Variants in ARHGEF38 observed in about 807,000 individuals in gnomAD.
ARHGEF38 encodes Rho guanine nucleotide exchange factor 38, also known as Rho guanine nucleotide exchange factor (GEF) 38.
In ARHGEF38, 79 loss-of-function variants were observed where a neutral mutation model predicts 79.9. That is an observed-to-expected ratio of 0.99 (90% CI 0.82 to 1.19). ARHGEF38 has a LOEUF of 1.19. ARHGEF38 is among the 50% of genes most tolerant of loss of function. The pLI is 0.00. For missense variants in ARHGEF38, 962 were observed against 907.2 expected (o/e 1.06, Z -0.78); for synonymous variants, 366 against 328.3 (o/e 1.11, Z -1.24).
In ARHGEF38 at chr4:105,648,686, A is replaced by AT; in HGVS notation, c.1008+9dup. 1 of 1,504,964 alleles carries AT rather than the reference A, an allele frequency of 6.6e-7. No individual in the cohort carries two copies. The highest frequency in any genetic ancestry group is 8.8e-7 in the Non-Finnish European group (1 of 1,136,088). The allele number at this position is 1,504,964 out of a possible 1,614,324, so 93.2% of individuals were successfully genotyped here. A position where few individuals can be genotyped will look rare whatever the true frequency, so the allele number is the denominator to read the frequency against. Reference sequence around the variant, plus strand: ...TCTGACCAGAGGAGAATCACAGGTAATTTTTCTTCTTGGACCACCCACCTT... The same window carrying AT: ...TCTGACCAGAGGAGAATCACAGGTAATTTTTTCTTCTTGGACCACCCACCTT... On this transcript the variant is annotated splice_donor_region_variant and intron_variant, in intron 7 of 13. Coordinates refer to ENST00000420470, the MANE Select transcript of ARHGEF38 (RefSeq NM_001242729.2).
At chr4:105,645,719 G>T (rs1300800615) in intron 6 of ARHGEF38, among the ~76,000 whole-genome samples, 1 of 152,194 alleles carries the variant, frequency 6.6e-6, no homozygotes, top group African/African-American at 2.4e-5. Context: ...GTAAGAAAGA[G>T]AAATGGCCAC....
chr4:105,605,388 C>T lies in ARHGEF38; in HGVS notation c.385-7996C>T, dbSNP rs149097168. ...CTCTGGCTTTGACTGTTGCCTCTGT[C>T]CTTCCTCACACACATGCTGAGATTT... On this transcript the variant is annotated intron_variant, in intron 2 of 13. Transcript: ENST00000420470. Among the ~76,000 whole-genome samples, 720 of 152,126 alleles carry T rather than the reference C, an allele frequency of 4.7e-3. 7 individuals are homozygous for T. Among genetic ancestry groups the T allele is most frequent in the African/African-American group, 0.016 (681 of 41,510 alleles).
chr4:105,658,524 T>C (rs1730429994), intron 9 of ARHGEF38, among the ~76,000 whole-genome samples: 1 of 152,154 alleles, frequency 6.6e-6, no homozygotes, highest in Non-Finnish European at 1.5e-5. Context: ...CTATCAAACA[T>C]AAGCCTCCAG....
chr4:105,639,893 A>ATAT (rs1397699292), intron 5 of ARHGEF38, among the ~76,000 whole-genome samples: 2 of 152,080 alleles, frequency 1.3e-5, no homozygotes, highest in Non-Finnish European at 2.9e-5. Flanking sequence ...TAAAAATGAT[A>ATAT]TATAGCCCTG....
chr4:105,619,370 C>A (rs1405827672), intron 3 of ARHGEF38, among the ~76,000 whole-genome samples: 1 of 151,928 alleles, frequency 6.6e-6, no homozygotes, highest in Non-Finnish European at 1.5e-5. Context: ...TGGCCCCCAG[C>A]CAGTCCACCA....
Position 105,590,552 on chromosome 4 carries a change from A to G in ARHGEF38, c.384+1117A>G, listed in dbSNP as rs549540938. Among the ~76,000 whole-genome samples, 57 of 152,272 alleles carry G rather than the reference A, an allele frequency of 3.7e-4. 1 individual carries two copies. The South Asian group carries it at 9.1e-3, about 24-fold the overall frequency. On this transcript the variant is annotated intron_variant, in intron 2 of 13. Transcript: ENST00000420470. ...TGTAACATACTTGTTTCATCCATAA[A>G]TCTGTTACATGTATCTTTTTATGAG...
intron 10 of ARHGEF38, among the ~76,000 whole-genome samples, chr4:105,662,906 G>A (rs1392782682): frequency 6.6e-6 from 1 of 152,148 alleles, no homozygotes; most frequent in Non-Finnish European, 1.5e-5. Flanking sequence ...GCAGTCCATA[G>A]CCAAACAAGA....
intron 9 of ARHGEF38, among the ~76,000 whole-genome samples, chr4:105,657,137 T>A (rs1256854102): frequency 6.6e-6 from 1 of 152,240 alleles, no homozygotes; most frequent in East Asian, 1.9e-4. Context: ...TTTCTGCATT[T>A]AATTATAGAG....
chr4:105,681,528 G>C (rs1731310606), downstream of ARHGEF38, among the ~76,000 whole-genome samples: 1 of 152,096 alleles, frequency 6.6e-6, no homozygotes, highest in Admixed American at 6.6e-5. Flanking sequence ...ATAATAAACT[G>C]TTTCTCTGAT....
Position 105,552,860 on chromosome 4 carries a change from G to A in ARHGEF38, c.95G>A (p.Arg32Lys), listed in dbSNP as rs371638919. ...LRSRLYMLER[R>K]KTDTVVESSV... ...TCTAGACTCTATATGCTGGAGAGAAGGAAGACTGACACTGTGGTTGAGAGC... is the reference window on the plus strand; with the variant it reads ...TCTAGACTCTATATGCTGGAGAGAAAGAAGACTGACACTGTGGTTGAGAGC... The change falls in exon 1 of 14, where the codon AGG becomes AAG. Residue 32 changes from arginine (R) to lysine (K), a missense_variant. By Grantham distance (26) the Arg-to-Lys change is conservative. Coordinates refer to ENST00000420470, the MANE Select transcript of ARHGEF38 (RefSeq NM_001242729.2). 6 of 1,613,852 alleles carry A rather than the reference G, an allele frequency of 3.7e-6. No homozygotes were observed. In the African/African-American group the frequency reaches 8.0e-5, roughly 22 times the overall value.
Position 105,594,573 on chromosome 4 carries a change from A to G in ARHGEF38, c.384+5138A>G, listed in dbSNP as rs146635775. The stretch of plus-strand genomic sequence containing the variant: ...CCACTCCCAGTAAAAACAAAACAAA[A>G]CAAGTCATTTTATTTAAGTGAAAAT... On this transcript the variant is annotated intron_variant, in intron 2 of 13. Coordinates refer to ENST00000420470, the MANE Select transcript of ARHGEF38 (RefSeq NM_001242729.2). 3.7e-4 allele frequency among the ~76,000 whole-genome samples: 56 copies of G among 152,294 alleles called. 1 individual carries two copies. The East Asian group carries it at 6.4e-3, about 17-fold the overall frequency.
chr4:105,565,529 G>A (rs912858328), intron 1 of ARHGEF38, among the ~76,000 whole-genome samples: 8 of 152,228 alleles, frequency 5.3e-5, no homozygotes, highest in African/African-American at 7.2e-5. Flanking sequence ...TGGGGGTTTC[G>A]TAATGATCTG....
intron 2 of ARHGEF38, among the ~76,000 whole-genome samples, chr4:105,593,149 G>T (rs928662598): frequency 1.3e-5 from 2 of 151,986 alleles, no homozygotes; most frequent in African/African-American, 4.8e-5. Context: ...TATTTACTAG[G>T]TATAAGAACA....
rs971887246 is a variant in ARHGEF38, at chr4:105,648,499, C to T, written c.875-50C>T. On this transcript the variant is annotated intron_variant, in intron 6 of 13. Coordinates refer to ENST00000420470, the MANE Select transcript of ARHGEF38 (RefSeq NM_001242729.2). ...TTGAAAACTTTGGGTGAAGTGCACA[C>T]TTTCTATGCTGCATGTGTTCAGCTA... 24 of 1,431,898 alleles carry T rather than the reference C, an allele frequency of 1.7e-5. No individual in the cohort carries two copies. In the Middle Eastern group the frequency reaches 5.6e-4, roughly 34 times the overall value. 88.7% of individuals were successfully genotyped at this position (1,431,898 alleles called of 1,614,324 possible). A position where few individuals can be genotyped will look rare whatever the true frequency, so the allele number is the denominator to read the frequency against.
chr4:105,664,796 G>A (rs1424759523), intron 10 of ARHGEF38, among the ~76,000 whole-genome samples: 1 of 152,174 alleles, frequency 6.6e-6, no homozygotes, highest in Non-Finnish European at 1.5e-5. Flanking sequence ...AGCAGTCATA[G>A]CAATGTGTAG....
chr4:105,631,129 C>A, intron 4 of ARHGEF38, 84 bp downstream of exon 4: 1 of 1,449,702 alleles, frequency 6.9e-7, no homozygotes, highest in Non-Finnish European at 9.1e-7. Context: ...TGAAAGGTCT[C>A]ACATAAATCC....
chr4:105,566,797 A>G (rs1366203377), intron 1 of ARHGEF38, among the ~76,000 whole-genome samples: 2 of 144,126 alleles, frequency 1.4e-5, no homozygotes, highest in Admixed American at 7.1e-5. Flanking sequence ...CTTGTTGCCC[A>G]GGCTGGAGTG....
Position 105,679,290 on chromosome 4 carries a change from A to T in ARHGEF38, c.*1353A>T, listed in dbSNP as rs1731227665. 1.4e-6 allele frequency: 1 copy of T among 735,466 alleles called. No homozygotes were observed. The highest frequency in any genetic ancestry group is 2.4e-6 in the Non-Finnish European group (1 of 415,188). 45.6% of individuals were successfully genotyped at this position (735,466 alleles called of 1,614,324 possible). A position where few individuals can be genotyped will look rare whatever the true frequency, so the allele number is the denominator to read the frequency against. Reference sequence around the variant, plus strand: ...GCTGGCACTGAGAGTATCCAGCCGGAATCATGCCACTTTGCCTGTAACCTT... The same window carrying T: ...GCTGGCACTGAGAGTATCCAGCCGGTATCATGCCACTTTGCCTGTAACCTT... On this transcript the variant is annotated 3_prime_UTR_variant, in exon 14 of 14. Transcript: ENST00000420470.
At chr4:105,561,409 A>AGAATG (rs1560684182) in intron 1 of ARHGEF38, among the ~76,000 whole-genome samples, 1,231 of 51,134 alleles carry the variant, frequency 0.024, 99 homozygotes, top group Non-Finnish European at 0.037. Flanking sequence ...ATAATAGAAT[A>AGAATG]GAATAGAATA....
Sources: allele counts gnomAD v4.1 joint callset (sites outside exome capture counted in the v4.1 genomes callset), GRCh38; gene constraint gnomAD v4.1.1; transcripts MANE v1.5; gene names NCBI Gene and HGNC (gene_info 2026-07-23, HGNC 2026-07-21).